The following RAP1GAP2 variants were observed in gnomAD, a reference collection of about 807,000 sequenced individuals.
The protein encoded by RAP1GAP2 is rap1 GTPase-activating protein 2.
RAP1GAP2 carries 27 observed loss-of-function variants against 95.0 expected under a neutral mutation model. The ratio of observed to expected loss-of-function variants is 0.28; its 90% CI spans 0.21 to 0.39. The LOEUF (loss-of-function observed/expected upper bound fraction) is 0.39. Ranked by LOEUF, RAP1GAP2 falls within the 10% of genes least tolerant of loss-of-function variation. The pLI, the probability that RAP1GAP2 is intolerant of heterozygous loss-of-function variation, is 1.00. For missense variants in RAP1GAP2, 771 were observed against 970.0 expected, an observed-to-expected ratio of 0.79 and a Z score of 2.72; for synonymous variants, 373 against 380.9, an observed-to-expected ratio of 0.98 and a Z score of 0.24.
At chr17:2,939,976 C>T (rs546243510) in intron 3 of RAP1GAP2, among the ~76,000 whole-genome samples, 4 of 152,374 alleles carry the variant, frequency 2.6e-5, no homozygotes, top group South Asian at 2.1e-4. Flanking sequence ...CAGCAGCAGC[C>T]GCCGCCGTGG....
chr17:2,979,308 G>T (rs2045254968), intron 8 of RAP1GAP2, among the ~76,000 whole-genome samples: 2 of 152,098 alleles, frequency 1.3e-5, no homozygotes, highest in Non-Finnish European at 2.9e-5. Flanking sequence ...TTTTCATAAA[G>T]GTTTAATTTC....
At chr17:2,868,995 A>C (rs562539830) in intron 2 of RAP1GAP2, among the ~76,000 whole-genome samples, 2 of 152,112 alleles carry the variant, frequency 1.3e-5, no homozygotes, top group East Asian at 1.9e-4. Flanking sequence ...CCTGCATCAC[A>C]GACAACCGTC....
At chr17:2,946,535 T>C (rs2043701881) in intron 3 of RAP1GAP2, among the ~76,000 whole-genome samples, 1 of 152,064 alleles carries the variant, frequency 6.6e-6, no homozygotes, top group South Asian at 2.1e-4. Flanking sequence ...TAAATATGAG[T>C]CTGCCTAATT....
At chr17:2,873,532 G>A (rs1030711704) in intron 2 of RAP1GAP2, among the ~76,000 whole-genome samples, 3 of 138,096 alleles carry the variant, frequency 2.2e-5, no homozygotes, top group African/African-American at 5.4e-5. Context: ...CTGCAGAAAG[G>A]TGTGTAAAGA....
At chr17:3,026,257 G>A (rs1229587201) in intron 20 of RAP1GAP2, 93 bp from the exon 21 acceptor site, 3 of 1,317,212 alleles carry the variant, frequency 2.3e-6, no homozygotes, top group African/African-American at 1.5e-5. Context: ...ACGGGTGGGG[G>A]CGTGGGGAGC....
chr17:2,953,718 A>AGG, intron 3 of RAP1GAP2, among the ~76,000 whole-genome samples: 1 of 152,090 alleles, frequency 6.6e-6, no homozygotes, highest in Non-Finnish European at 1.5e-5. Flanking sequence ...ATGGGGGCGC[A>AGG]TGCCTGTAAT....
chr17:2,884,944 T>C (rs1479869971), intron 2 of RAP1GAP2, among the ~76,000 whole-genome samples: 3 of 152,026 alleles, frequency 2.0e-5, no homozygotes, highest in Non-Finnish European at 4.4e-5. Flanking sequence ...CCCTGTGGGC[T>C]ACATGGAGAT....
intron 1 of RAP1GAP2, among the ~76,000 whole-genome samples, chr17:2,760,292 CAAAAAA>C (rs374784170): frequency 1.7e-5 from 1 of 59,268 alleles, no homozygotes; most frequent in South Asian, 7.2e-4. Context: ...GACTCTGTCT[CAAAAAA>C]AAAAAAAAAA....
chr17:2,800,420 G>C, intron 1 of RAP1GAP2, 95 bp from the exon 2 acceptor site: 4 of 1,439,634 alleles, frequency 2.8e-6, no homozygotes, highest in Non-Finnish European at 3.8e-6. Context: ...CTGCTGTCTG[G>C]TGGTTTGGGC....
intron 2 of RAP1GAP2, among the ~76,000 whole-genome samples, chr17:2,771,532 C>T (rs1269062946): frequency 2.4e-5 from 3 of 126,374 alleles, no homozygotes; most frequent in African/African-American, 6.1e-5. Flanking sequence ...TTGCTCTTGT[C>T]GTCCAGGCTG....
intron 2 of RAP1GAP2, among the ~76,000 whole-genome samples, chr17:2,853,682 G>A (rs2071988686): frequency 6.8e-6 from 1 of 147,236 alleles, no homozygotes; most frequent in African/African-American, 2.5e-5. Flanking sequence ...GCGGGTCCCG[G>A]CGCGGGCGGC....
intron 3 of RAP1GAP2, among the ~76,000 whole-genome samples, chr17:2,935,953 G>T (rs1355113334): frequency 1.3e-5 from 2 of 152,090 alleles, no homozygotes; most frequent in Non-Finnish European, 1.5e-5. Flanking sequence ...GATCACTGCT[G>T]GGCATCCTTA....
rs2042140584 is a variant in RAP1GAP2, at chr17:2,904,674, G to T, written c.81-610G>T. On this transcript the variant is annotated intron_variant, in intron 2 of 24. Coordinates refer to ENST00000254695, the MANE Select transcript of RAP1GAP2 (RefSeq NM_015085.5). This position sits in a 1 kb window ranked among gnomAD's most constrained non-coding sequence, Gnocchi z 4.7. ...TTTAGCCCCGTGGTTCTCAGACTTT[G>T]CCGTGTAGCAGAATGACCTGGAGAG... Among the ~76,000 whole-genome samples, 1 of 151,892 alleles carries T rather than the reference G, an allele frequency of 6.6e-6. No homozygotes were observed. The highest frequency in any genetic ancestry group is 2.1e-4 in the South Asian group (1 of 4,820).
At chr17:2,765,613 G>A (rs2068260452) in intron 1 of RAP1GAP2, among the ~76,000 whole-genome samples, 1 of 151,430 alleles carries the variant, frequency 6.6e-6, no homozygotes, top group Admixed American at 6.6e-5. Flanking sequence ...CATGGTGGTG[G>A]GCGCCTGTAG....
rs2044569060 is a variant in RAP1GAP2 at position 2,965,819 on chromosome 17, G to T, written c.596+176G>T. On this transcript the variant is annotated intron_variant, in intron 8 of 24. Transcript: ENST00000254695. The surrounding 1 kb of genome is among the most constrained non-coding windows in gnomAD (Gnocchi z 4.7). ...GCTGTGTCTGAAGTTGCCTAGCAGG[G>T]AGACCCACGCGCTCCACCAGTTAGC... 1 of 601,142 alleles carries T rather than the reference G, an allele frequency of 1.7e-6. No homozygotes were observed. Among genetic ancestry groups the T allele is most frequent in the Non-Finnish European group, 3.0e-6 (1 of 338,928 alleles). The allele number at this position is 601,142 out of a possible 1,614,324, so 37.2% of individuals were successfully genotyped here.
intron 3 of RAP1GAP2, among the ~76,000 whole-genome samples, chr17:2,929,042 T>C (rs1157501824): frequency 6.6e-6 from 1 of 152,108 alleles, no homozygotes; most frequent in Non-Finnish European, 1.5e-5. Flanking sequence ...AAGACCAGCC[T>C]GGGCAACATA....
chr17:2,954,114 A>T (rs1242824725), intron 3 of RAP1GAP2, among the ~76,000 whole-genome samples: 6 of 151,694 alleles, frequency 4.0e-5, no homozygotes, highest in African/African-American at 1.2e-4. Flanking sequence ...TCTTTTTTAA[A>T]TTTTTTTTGA....
chr17:2,838,894 G>T (rs1430305840), intron 2 of RAP1GAP2, among the ~76,000 whole-genome samples: 11 of 152,080 alleles, frequency 7.2e-5, no homozygotes. Context: ...AGAGAGAGTG[G>T]GTCTCAAGCC....
intron 17 of RAP1GAP2, among the ~76,000 whole-genome samples, chr17:3,010,676 T>A (rs1343259176): frequency 6.6e-6 from 1 of 152,186 alleles, no homozygotes; most frequent in Non-Finnish European, 1.5e-5. Flanking sequence ...GGGTCTGACG[T>A]ATTCCTAGAG....
Sources: allele counts gnomAD v4.1 joint callset (sites outside exome capture counted in the v4.1 genomes callset), GRCh38; gene constraint gnomAD v4.1.1; non-coding constraint Gnocchi (gnomAD v3.1); transcripts MANE v1.5; gene names NCBI Gene and HGNC (gene_info 2026-07-23, HGNC 2026-07-21).